SPAG9: variants seen among roughly 807,000 people sequenced by gnomAD.
SPAG9 encodes the protein sperm associated antigen 9.
Under a neutral mutation model 166.5 loss-of-function variants are expected in SPAG9, and 35 were observed. That is an observed-to-expected ratio of 0.21 (90% confidence interval 0.16 to 0.28). SPAG9 has a LOEUF of 0.28. Among genes scored for constraint, SPAG9 ranks in the 10% least tolerant of loss-of-function variants. The probability of loss-of-function intolerance (pLI) is 1.00; values close to 1 mark genes in which losing one functional copy is unlikely to be tolerated. For missense variants in SPAG9, 1,235 were observed against 1,603.3 expected, an observed-to-expected ratio of 0.77 and a Z score of 3.92; for synonymous variants, 534 against 565.5, an observed-to-expected ratio of 0.94 and a Z score of 0.79.
chr17:51,022,570 C>A (rs764873376), intron 6 of SPAG9, among the ~76,000 whole-genome samples: 1 of 151,794 alleles, frequency 6.6e-6, no homozygotes, highest in Non-Finnish European at 1.5e-5. Context: ...TGAAGCAGTT[C>A]TTTTGGAGCA....
At position 51,017,885 on chromosome 17, in the gene SPAG9, CTCTAGGG is replaced by C. The variant is rs553989444; in HGVS notation, c.1091+2267_1091+2273del. Among the ~76,000 whole-genome samples, 94 of 152,212 alleles carry C rather than the reference CTCTAGGG, an allele frequency of 6.2e-4. 4 individuals carry two copies. The South Asian group carries it at 0.019, about 31-fold the overall frequency. Reference sequence around the variant, plus strand: ...CAGGATTTGAACCCATGCAGTCTTACTCTAGGGTCTATGCTTTTAACCGCTACAGAGT... The same window carrying C: ...CAGGATTTGAACCCATGCAGTCTTACTCTATGCTTTTAACCGCTACAGAGT... On this transcript the variant is annotated intron_variant, in intron 8 of 29. Transcript: ENST00000262013.
rs746370783 is a variant in SPAG9, at chr17:51,089,620, T to TTATATATA, written c.304-9924_304-9917dup. ...TATATGTATATATATACACTTTATT[T>TTATATATA]TATATATATATATATATATATATAT... On this transcript the variant is annotated intron_variant, in intron 1 of 29. Coordinates refer to ENST00000262013, the MANE Select transcript of SPAG9 (RefSeq NM_001130528.3). Among the ~76,000 whole-genome samples the TTATATATA allele has an allele frequency of 6.5e-3, 263 of 40,328 alleles. 2 individuals are homozygous for TTATATATA. The highest frequency in any genetic ancestry group is 0.013 in the East Asian group (14 of 1,056). The allele number at this position is 40,328 out of a possible 152,430, so 26.5% of individuals were successfully genotyped here. A position where few individuals can be genotyped will look rare whatever the true frequency, so the allele number is the denominator to read the frequency against.
intron 8 of SPAG9, among the ~76,000 whole-genome samples, chr17:51,014,854 GT>G (rs940707790): frequency 1.3e-3 from 189 of 145,286 alleles, no homozygotes; most frequent in African/African-American, 4.0e-3. Flanking sequence ...TGATACAAAG[GT>G]TTTTTTTTTT....
In SPAG9 at chr17:50,977,220, A is replaced by G. The variant is rs754814107; in HGVS notation, c.3411T>C (p.Gly1137=). ...DIEPYVSKML[G]TGKLGFSFVR... Reference sequence around the variant, plus strand: ...CAAAAGAGAAGCCCAGTTTTCCAGTACCTGTAAAGAAAGGAGGGAACACGT... The same window carrying G: ...CAAAAGAGAAGCCCAGTTTTCCAGTGCCTGTAAAGAAAGGAGGGAACACGT... Residue 1137 remains glycine, a splice_region_variant and synonymous_variant, in exon 27 of 30, where the codon GGT becomes GGC. Transcript: ENST00000262013. The G allele has an allele frequency of 1.3e-6, 2 of 1,591,238 alleles. No homozygotes were observed. The highest frequency in any genetic ancestry group is 2.2e-5 in the South Asian group (2 of 90,554).
chr17:51,000,696 C>T (rs2044899586), intron 13 of SPAG9, among the ~76,000 whole-genome samples: 1 of 152,014 alleles, frequency 6.6e-6, no homozygotes, highest in South Asian at 2.1e-4. Flanking sequence ...CACACTTCTG[C>T]ACTCCAGCCT....
intron 29 of SPAG9, among the ~76,000 whole-genome samples, chr17:50,968,532 A>C (rs1449403241): frequency 6.6e-6 from 1 of 152,054 alleles, no homozygotes; most frequent in Non-Finnish European, 1.5e-5. Context: ...GGAGTTCGAG[A>C]CCAGCCTGGC....
At chr17:51,005,004 G>C (rs1007252711) in intron 12 of SPAG9, among the ~76,000 whole-genome samples, 1 of 152,188 alleles carries the variant, frequency 6.6e-6, no homozygotes, top group Non-Finnish European at 1.5e-5. Flanking sequence ...CAGAGGCACA[G>C]AGGGAAAATG....
intron 1 of SPAG9, among the ~76,000 whole-genome samples, chr17:51,112,684 A>C (rs1232246780): frequency 6.7e-6 from 1 of 149,946 alleles, no homozygotes; most frequent in Non-Finnish European, 1.5e-5. Context: ...AAAAAAAAAA[A>C]AAAAAAAAAA....
chr17:51,037,668 TA>T (rs1286435751), intron 5 of SPAG9, among the ~76,000 whole-genome samples: 6 of 28,156 alleles, frequency 2.1e-4, no homozygotes, highest in East Asian at 4.6e-3. Context: ...ATGTGTTTTA[TA>T]TATATATATA....
At chr17:51,020,111 T>G in intron 8 of SPAG9, 48 bp downstream of exon 8, 23 of 1,085,366 alleles carry the variant, frequency 2.1e-5, no homozygotes, top group Non-Finnish European at 3.0e-5. Flanking sequence ...TTTATGGGAG[T>G]TGGGGGTGGG....
intron 8 of SPAG9, among the ~76,000 whole-genome samples, chr17:51,018,345 C>A (rs565044606): frequency 6.6e-6 from 1 of 151,392 alleles, no homozygotes; most frequent in East Asian, 1.9e-4. Flanking sequence ...GCCTAGGCGA[C>A]AGAGCAAGAC....
At chr17:51,087,621 A>G (rs763521365) in intron 1 of SPAG9, among the ~76,000 whole-genome samples, 1 of 152,222 alleles carries the variant, frequency 6.6e-6, no homozygotes, top group African/African-American at 2.4e-5. Context: ...TCCCTTCTAC[A>G]TTCAGAGATC....
intron 1 of SPAG9, among the ~76,000 whole-genome samples, chr17:51,081,149 T>A (rs1177434090): frequency 6.6e-6 from 1 of 152,154 alleles, no homozygotes; most frequent in African/African-American, 2.4e-5. Flanking sequence ...AATGCCTGGA[T>A]TACTGCAACA....
At chr17:51,011,756 A>C (rs1295506708) in intron 9 of SPAG9, among the ~76,000 whole-genome samples, 1 of 152,208 alleles carries the variant, frequency 6.6e-6, no homozygotes, top group Non-Finnish European at 1.5e-5. Flanking sequence ...ATATTAAAAT[A>C]TTCTAATCTG....
chr17:50,988,010 G>A (rs1975200661), intron 21 of SPAG9, among the ~76,000 whole-genome samples: 1 of 152,324 alleles, frequency 6.6e-6, no homozygotes, highest in African/African-American at 2.4e-5. Context: ...GAGGCCAGGA[G>A]TTCAAGACCA....
intron 1 of SPAG9, among the ~76,000 whole-genome samples, chr17:51,082,306 T>C (rs900899734): frequency 2.2e-5 from 3 of 136,372 alleles, no homozygotes; most frequent in South Asian, 2.2e-4. Context: ...ACCCAGGAGA[T>C]GGAGGTTGCA....
chr17:51,013,832 C>T (rs1201030973), intron 9 of SPAG9, among the ~76,000 whole-genome samples: 2 of 151,984 alleles, frequency 1.3e-5, no homozygotes, highest in Non-Finnish European at 2.9e-5. Flanking sequence ...TTAAAGTCAA[C>T]AGAATATAAT....
rs369705325 is a variant in SPAG9, at chr17:51,015,812, C to T, written c.1092-1459G>A. Among the ~76,000 whole-genome samples, 68 of 151,696 alleles carry T rather than the reference C, an allele frequency of 4.5e-4. No individual in the cohort carries two copies. The East Asian group carries it at 9.3e-3, about 21-fold the overall frequency. ...GAGAAAATAAATTATGACAGTCACT[C>T]CAGGATGTTCAATGCATACCTAAGA... On this transcript the variant is annotated intron_variant, in intron 8 of 29. Coordinates refer to ENST00000262013, the MANE Select transcript of SPAG9 (RefSeq NM_001130528.3).
intron 14 of SPAG9, among the ~76,000 whole-genome samples, chr17:50,998,836 G>A (rs183334688): frequency 3.9e-5 from 6 of 152,326 alleles, no homozygotes; most frequent in South Asian, 2.1e-4. Context: ...TTAGAATGGC[G>A]GGTGCCTGTT....
Sources: allele counts gnomAD v4.1 joint callset (sites outside exome capture counted in the v4.1 genomes callset), GRCh38; gene constraint gnomAD v4.1.1; transcripts MANE v1.5; gene names NCBI Gene and HGNC (gene_info 2026-07-23, HGNC 2026-07-21).